The following TMEM163 variants were observed in gnomAD, a reference collection of about 807,000 sequenced individuals.
TMEM163 encodes the protein transmembrane protein 163.
Under a neutral mutation model 29.3 loss-of-function variants are expected in TMEM163, and 17 were observed. The observed-to-expected ratio is 0.58, with a 90% confidence interval of 0.40 to 0.87. TMEM163 has a LOEUF of 0.87. Among genes scored for constraint, TMEM163 ranks in the 40% least tolerant of loss-of-function variants. TMEM163 has a pLI of 0.00. For missense variants in TMEM163, 303 were observed against 381.5 expected, an observed-to-expected ratio of 0.79 and a Z score of 1.71; for synonymous variants, 157 against 160.6, an observed-to-expected ratio of 0.98 and a Z score of 0.17.
In TMEM163 at chr2:134,661,925, C is replaced by CTTTTTTTTTTTTTTTTTTT. The variant is rs201436466; in HGVS notation, c.322+51274_322+51275insAAAAAAAAAAAAAAAAAAA. 5.1e-5 allele frequency among the ~76,000 whole-genome samples: 4 copies of CTTTTTTTTTTTTTTTTTTT among 79,068 alleles called. 1 individual carries two copies. The highest frequency in any genetic ancestry group is 7.4e-5 in the Non-Finnish European group (3 of 40,406). The allele number at this position is 79,068 out of a possible 152,430, so 51.9% of individuals were successfully genotyped here. On this transcript the variant is annotated intron_variant, in intron 2 of 7. Coordinates refer to ENST00000281924, the MANE Select transcript of TMEM163 (RefSeq NM_030923.5). ...AAGTTTTCATGGATTCATTAATTTTCTTTCTTTTTTTTTTTTTTTTTTTTG... is the reference window on the plus strand; with the variant it reads ...AAGTTTTCATGGATTCATTAATTTTCTTTTTTTTTTTTTTTTTTTTTTCTTTTTTTTTTTTTTTTTTTTG...
At chr2:134,634,571 G>A (rs1218816923) in intron 2 of TMEM163, among the ~76,000 whole-genome samples, 2 of 152,166 alleles carry the variant, frequency 1.3e-5, no homozygotes, top group Non-Finnish European at 2.9e-5. Flanking sequence ...GATATGTCAT[G>A]GCATGAACAT....
chr2:134,693,072 G>T (rs1684505070), intron 2 of TMEM163, among the ~76,000 whole-genome samples: 2 of 151,912 alleles, frequency 1.3e-5, no homozygotes, highest in African/African-American at 4.8e-5. Context: ...AGACATCTCT[G>T]GACCCCCCTG....
chr2:134,680,826 C>T (rs1055790300), intron 2 of TMEM163, among the ~76,000 whole-genome samples: 2 of 152,198 alleles, frequency 1.3e-5, no homozygotes, highest in Non-Finnish European at 2.9e-5. Context: ...CACGTGTCAG[C>T]TGTGATCGTG....
At chr2:134,718,374 T>C (rs937806850) in intron 1 of TMEM163, among the ~76,000 whole-genome samples, 10 of 152,108 alleles carry the variant, frequency 6.6e-5, no homozygotes, top group African/African-American at 2.2e-4. Flanking sequence ...CCGAGCTGAG[T>C]AGGGCCCGGA....
chr2:134,570,177 T>C (rs1263950662), intron 2 of TMEM163, among the ~76,000 whole-genome samples: 4 of 152,238 alleles, frequency 2.6e-5, no homozygotes, highest in African/African-American at 9.6e-5. Flanking sequence ...AAAAATCACA[T>C]GCTGATGTTG....
chr2:134,618,859 G>C (rs1316641865), intron 2 of TMEM163, among the ~76,000 whole-genome samples: 1 of 152,124 alleles, frequency 6.6e-6, no homozygotes, highest in Non-Finnish European at 1.5e-5. Context: ...AGCATGCTTA[G>C]AGGGAAATCT....
chr2:134,666,408 TA>T (rs779719245), intron 2 of TMEM163, among the ~76,000 whole-genome samples: 14 of 152,178 alleles, frequency 9.2e-5, no homozygotes, highest in Non-Finnish European at 2.1e-4. Context: ...CAAACTTAAC[TA>T]GAGGACTTCC....
intron 4 of TMEM163, among the ~76,000 whole-genome samples, chr2:134,523,296 A>T (rs570066929): frequency 1.3e-5 from 2 of 152,306 alleles, no homozygotes; most frequent in African/African-American, 4.8e-5. Context: ...ACACCACAGA[A>T]TAAAAACATC....
intron 2 of TMEM163, among the ~76,000 whole-genome samples, chr2:134,705,852 G>T (rs1684799145): frequency 6.6e-6 from 1 of 152,204 alleles, no homozygotes; most frequent in Non-Finnish European, 1.5e-5. Flanking sequence ...ATGTCCCAAA[G>T]GGCCCCTGCC....
chr2:134,623,813 AC>A, intron 2 of TMEM163, among the ~76,000 whole-genome samples: 1 of 151,924 alleles, frequency 6.6e-6, no homozygotes, highest in South Asian at 2.1e-4. Context: ...AAGAGGTGAA[AC>A]AAATCTTAGA....
intron 3 of TMEM163, 34 bp from the exon 4 acceptor site, chr2:134,550,695 C>A: frequency 2.5e-6 from 4 of 1,589,354 alleles, no homozygotes; most frequent in Non-Finnish European, 3.5e-6. Flanking sequence ...AGAGGCTTTC[C>A]ACAGTTAATA....
intron 2 of TMEM163, among the ~76,000 whole-genome samples, chr2:134,592,889 T>TAGATAGATAGATAGATAGATAGAC (rs1458567539): frequency 7.9e-5 from 12 of 152,086 alleles, no homozygotes; most frequent in South Asian, 4.1e-4. Context: ...GATAGATAGA[T>TAGATAGATAGATAGATAGATAGAC]AGACCAACCC....
Position 134,718,764 on chromosome 2 carries a change from C to A in TMEM163, c.172G>T (p.Gly58Cys), listed in dbSNP as rs1685096441. ...TCCTCCAGCCCGTCGCTGAACTGGC[C>A]GCTCTCGCTGATCCGCACCTGCCGC... is the stretch of plus-strand genomic sequence containing the variant. The part of the protein sequence containing the change: ...EERQVRISES[G>C]QFSDGLEDRG... The change falls in exon 1 of 8, where the codon GGC (glycine) becomes TGC (cysteine). Residue 58 changes from glycine (G) to cysteine (C), a missense_variant. Gly to Cys is a radical substitution (Grantham distance 159). This residue lies in a region of TMEM163 where 100 missense variants were observed against 87.2 expected (regional missense o/e 1.15). Coordinates refer to ENST00000281924, the MANE Select transcript of TMEM163 (RefSeq NM_030923.5). 2.6e-6 allele frequency: 3 copies of A among 1,154,148 alleles called. No homozygotes were observed. The highest frequency in any genetic ancestry group is 3.2e-6 in the Non-Finnish European group (3 of 938,446). The allele number at this position is 1,154,148 out of a possible 1,614,324, so 71.5% of individuals were successfully genotyped here.
chr2:134,711,209 A>G (rs1231405856), intron 2 of TMEM163, among the ~76,000 whole-genome samples: 1 of 152,248 alleles, frequency 6.6e-6, no homozygotes, highest in Non-Finnish European at 1.5e-5. Context: ...GAGATTTTAA[A>G]TACTGCATAT....
intron 5 of TMEM163, among the ~76,000 whole-genome samples, chr2:134,485,408 C>T (rs1010877788): frequency 2.0e-5 from 3 of 152,184 alleles, no homozygotes; most frequent in East Asian, 1.9e-4. Flanking sequence ...AAATCCTAAG[C>T]GGAACCATCG....
chr2:134,644,732 C>A (rs1683297224), intron 2 of TMEM163, among the ~76,000 whole-genome samples: 1 of 151,790 alleles, frequency 6.6e-6, no homozygotes, highest in Non-Finnish European at 1.5e-5. Context: ...GACACGACAC[C>A]AAAAGCATGC....
intron 4 of TMEM163, among the ~76,000 whole-genome samples, chr2:134,519,807 C>G (rs1332285635): frequency 2.7e-5 from 4 of 150,578 alleles, no homozygotes; most frequent in Non-Finnish European, 4.4e-5. Context: ...GGAGAATCGC[C>G]TGAACCTGGG....
chr2:134,460,078 C>CG lies in TMEM163; in HGVS notation c.668-1906_668-1905insC, dbSNP rs60873977. 0.14 allele frequency among the ~76,000 whole-genome samples: 20,547 copies of CG among 142,634 alleles called. 1,812 individuals carry two copies. Among genetic ancestry groups the CG allele is most frequent in the African/African-American group, 0.24 (8,787 of 36,860 alleles). The allele number at this position is 142,634 out of a possible 152,430, so 93.6% of individuals were successfully genotyped here. A position where few individuals can be genotyped will look rare whatever the true frequency, so the allele number is the denominator to read the frequency against. ...CTCGAGCCCCTTGCCAGATGTTACC[C>CG]CCCCCCAAATTCATTCTCACTCTCC... On this transcript the variant is annotated intron_variant, in intron 6 of 7. Coordinates refer to ENST00000281924, the MANE Select transcript of TMEM163 (RefSeq NM_030923.5). The surrounding 1 kb of genome is among the most constrained non-coding windows in gnomAD (Gnocchi z 4.3).
intron 2 of TMEM163, among the ~76,000 whole-genome samples, chr2:134,585,429 C>T (rs909588484): frequency 6.6e-6 from 1 of 152,096 alleles, no homozygotes; most frequent in Non-Finnish European, 1.5e-5. Context: ...TTGTGAGAAT[C>T]AAATGAGTTA....
Sources: allele counts gnomAD v4.1 joint callset (sites outside exome capture counted in the v4.1 genomes callset), GRCh38; gene constraint gnomAD v4.1.1; regional missense constraint gnomAD v4.1.1; non-coding constraint Gnocchi (gnomAD v3.1); transcripts MANE v1.5; gene names NCBI Gene and HGNC (gene_info 2026-07-23, HGNC 2026-07-21).